The following EXOC6 variants were observed in gnomAD, a reference collection of about 807,000 sequenced individuals.
EXOC6 encodes exocyst complex component 6, also known as SEC15-like 1.
EXOC6 carries 60 observed loss-of-function variants against 112.5 expected under a neutral mutation model. That is an observed-to-expected ratio of 0.53 (90% confidence interval 0.43 to 0.66). EXOC6 has a LOEUF of 0.66. EXOC6 is among the 30% of genes least tolerant of loss of function. EXOC6 has a pLI of 0.00. For synonymous variants in EXOC6, 295 were observed against 308.0 expected, an observed-to-expected ratio of 0.96 and a Z score of 0.44; for missense variants, 855 against 957.1, an observed-to-expected ratio of 0.89 and a Z score of 1.41.
chr10:92,869,949 C>CTT (rs34082304), intron 1 of EXOC6, among the ~76,000 whole-genome samples: 1,432 of 99,996 alleles, frequency 0.014, 57 homozygotes, highest in African/African-American at 0.041. Context: ...GGCTTGTGGG[C>CTT]TTTTTTTTTT....
chr10:93,041,386 G>T (rs1457267310), intron 20 of EXOC6, among the ~76,000 whole-genome samples: 3 of 152,018 alleles, frequency 2.0e-5, no homozygotes, highest in Non-Finnish European at 4.4e-5. Context: ...TCCCTTGTTT[G>T]TTTGTTTATT....
At chr10:92,853,666 G>GA (rs1847457695) in intron 1 of EXOC6, among the ~76,000 whole-genome samples, 1 of 152,152 alleles carries the variant, frequency 6.6e-6, no homozygotes, top group Non-Finnish European at 1.5e-5. Context: ...AATGGTGGTG[G>GA]AAAAATTGGA....
chr10:92,931,880 A>G (rs554709788), intron 9 of EXOC6, among the ~76,000 whole-genome samples: 20 of 152,046 alleles, frequency 1.3e-4, no homozygotes, highest in Non-Finnish European at 2.9e-4. Context: ...TGGTTTGGCA[A>G]TTTGTTACAA....
chr10:92,832,898 A>G (rs1200252305), upstream of EXOC6, among the ~76,000 whole-genome samples: 1 of 151,896 alleles, frequency 6.6e-6, no homozygotes. Flanking sequence ...CCTGGCCTCA[A>G]GTGATCCACC....
At chr10:93,032,296 A>G (rs371168896) in intron 20 of EXOC6, among the ~76,000 whole-genome samples, 1 of 152,176 alleles carries the variant, frequency 6.6e-6, no homozygotes, top group East Asian at 1.9e-4. Flanking sequence ...TGATTGCACC[A>G]CTGCACTCCA....
chr10:92,999,002 G>T (rs1843626417), intron 19 of EXOC6, among the ~76,000 whole-genome samples: 1 of 152,012 alleles, frequency 6.6e-6, no homozygotes, highest in African/African-American at 2.4e-5. Context: ...CTCCCAAGTA[G>T]CTGGAACTAC....
intron 18 of EXOC6, among the ~76,000 whole-genome samples, chr10:92,991,183 A>G (rs1372515975): frequency 6.6e-6 from 1 of 151,120 alleles, no homozygotes; most frequent in African/African-American, 2.4e-5. Context: ...CACACCTGTA[A>G]TCCCAGCACT....
intron 14 of EXOC6, among the ~76,000 whole-genome samples, chr10:92,952,046 C>G (rs1346523789): frequency 6.6e-6 from 1 of 152,074 alleles, no homozygotes; most frequent in Non-Finnish European, 1.5e-5. Flanking sequence ...TGTGTTTTCT[C>G]TGCTTGTTGG....
chr10:92,874,394 G>C (rs552503094), intron 1 of EXOC6, among the ~76,000 whole-genome samples: 22 of 151,022 alleles, frequency 1.5e-4, no homozygotes, highest in African/African-American at 5.1e-4. Context: ...ATTATTATGT[G>C]GTAGGGCTTC....
chr10:92,884,552 G>T (rs1849120526), intron 1 of EXOC6, among the ~76,000 whole-genome samples: 1 of 152,078 alleles, frequency 6.6e-6, no homozygotes, highest in South Asian at 2.1e-4. Flanking sequence ...ACAGAGAAAA[G>T]CCATTTTTAT....
upstream of EXOC6, among the ~76,000 whole-genome samples, chr10:92,844,218 T>C (rs1424875528): frequency 6.6e-6 from 1 of 151,928 alleles, no homozygotes; most frequent in Non-Finnish European, 1.5e-5. Context: ...ACGACAAGTA[T>C]TTGCATGTGG....
intron 1 of EXOC6, among the ~76,000 whole-genome samples, chr10:92,882,399 C>T (rs568462413): frequency 6.6e-6 from 1 of 151,942 alleles, no homozygotes; most frequent in Admixed American, 6.6e-5. Flanking sequence ...CAAAAAATAG[C>T]CAGGCATGAT....
intron 9 of EXOC6, among the ~76,000 whole-genome samples, chr10:92,931,115 GAAAAAAAAAAA>G (rs60087746): frequency 0.096 from 6,795 of 70,902 alleles, 205 homozygotes; most frequent in Middle Eastern, 0.21. Context: ...CATCTCAGAA[GAAAAAAAAAAA>G]AAAAAAAAAA....
chr10:92,928,256 TG>T, intron 8 of EXOC6, 82 bp from the exon 9 acceptor site: 1 of 666,174 alleles, frequency 1.5e-6, no homozygotes, highest in East Asian at 2.8e-5. Context: ...GAATTTAAAG[TG>T]ACTCTTGGGG....
intron 1 of EXOC6, among the ~76,000 whole-genome samples, chr10:92,874,972 A>G (rs1269533670): frequency 6.6e-6 from 1 of 152,190 alleles, no homozygotes; most frequent in African/African-American, 2.4e-5. Context: ...GTACTTTGAA[A>G]GAGGCTATGC....
chr10:92,891,855 A>G (rs1302999420), intron 1 of EXOC6, among the ~76,000 whole-genome samples: 1 of 152,128 alleles, frequency 6.6e-6, no homozygotes, highest in East Asian at 1.9e-4. Flanking sequence ...TTCATTAAAA[A>G]CCTAAGACAG....
chr10:93,007,452 AC>A (rs1359534063), intron 19 of EXOC6, among the ~76,000 whole-genome samples: 4 of 152,072 alleles, frequency 2.6e-5, no homozygotes, highest in Admixed American at 6.6e-5. Flanking sequence ...GGCGTTCAAG[AC>A]CAGCCTGGCC....
Position 92,848,572 on chromosome 10 carries a change from G to C in EXOC6, c.39G>C (p.Glu13Asp). 2 of 1,452,956 alleles carry C rather than the reference G, an allele frequency of 1.4e-6. No homozygotes were observed. Among genetic ancestry groups the C allele is most frequent in the Non-Finnish European group, 1.8e-6 (2 of 1,085,684 alleles). The allele number at this position is 1,452,956 out of a possible 1,614,324, so 90.0% of individuals were successfully genotyped here. ...GCGAGAGTCTGGGCACCGTCCCCGA[G>C]CACGAGCGGATCTTGCAGGAGATCG... ...ENSESLGTVP[E>D]HERILQEIES... Residue 13 changes from glutamate to aspartate, a missense_variant, in exon 1 of 22, where the codon GAG becomes GAC. Around this residue, in one of 2 missense-constraint regions of EXOC6, gnomAD observed 405 missense variants for 393.6 expected, o/e 1.03. Coordinates refer to ENST00000260762, the MANE Select transcript of EXOC6 (RefSeq NM_019053.6).
intron 14 of EXOC6, among the ~76,000 whole-genome samples, chr10:92,948,609 T>TACC (rs1417071833): frequency 6.6e-5 from 10 of 150,584 alleles, no homozygotes; most frequent in Non-Finnish European, 1.2e-4. Context: ...CTACTACTAC[T>TACC]ACTACTACTA....
Sources: gnomAD v4.1 joint callset for allele counts (sites outside exome capture counted in the v4.1 genomes callset) on GRCh38, gnomAD v4.1.1 for gene constraint, gnomAD v4.1.1 regional missense constraint, MANE v1.5 for transcripts, NCBI Gene and HGNC (gene_info 2026-07-23, HGNC 2026-07-21) for gene names.